ATXN2: variants seen among roughly 807,000 people sequenced by gnomAD.
ATXN2 encodes ataxin-2.
In ATXN2, 37 loss-of-function variants were observed where a neutral mutation model predicts 138.6. The ratio of observed to expected loss-of-function variants is 0.27; its 90% CI spans 0.21 to 0.35. The LOEUF (loss-of-function observed/expected upper bound fraction) is 0.35, where lower values mean the gene tolerates loss of function less well. Among genes scored for constraint, ATXN2 ranks in the 10% least tolerant of loss-of-function variants. The probability of loss-of-function intolerance (pLI) is 1.00; values close to 1 mark genes in which losing one functional copy is unlikely to be tolerated. For missense variants in ATXN2, 1,216 were observed against 1,480.3 expected (o/e 0.82, Z 2.93); for synonymous variants, 549 against 543.7 (o/e 1.01, Z -0.13).
At chr12:111,523,029 G>A (rs540488951) in intron 6 of ATXN2, among the ~76,000 whole-genome samples, 43 of 151,464 alleles carry the variant, frequency 2.8e-4, no homozygotes, top group Non-Finnish European at 5.3e-4. Flanking sequence ...GCCAGTAATC[G>A]CAGCACTTTG....
intron 1 of ATXN2, among the ~76,000 whole-genome samples, chr12:111,577,099 G>T (rs893121760): frequency 6.6e-6 from 1 of 151,730 alleles, no homozygotes; most frequent in Non-Finnish European, 1.5e-5. Context: ...GAGCCACTGC[G>T]CCTGGCCACG....
chr12:111,523,004 G>C (rs57018072), intron 6 of ATXN2, among the ~76,000 whole-genome samples: 4,592 of 152,074 alleles, frequency 0.03, 251 homozygotes, highest in African/African-American at 0.1. Flanking sequence ...TTCATGGCCA[G>C]GTGCGGTGGC....
Position 111,552,495 on chromosome 12 carries a change from T to A in ATXN2, c.421-65A>T. On this transcript the variant is annotated intron_variant, in intron 4 of 24. Transcript: ENST00000673436. This position sits in a 1 kb window ranked among gnomAD's most constrained non-coding sequence, Gnocchi z 4.1. ...AAAATAAAATTTGTTAGGAATTCTT[T>A]AGCTCATCAAGGTACCAGTTCTTAT... The A allele has an allele frequency of 2.0e-6, 3 of 1,520,728 alleles. No homozygotes were observed. The highest frequency in any genetic ancestry group is 2.6e-6 in the Non-Finnish European group (3 of 1,135,478). 94.2% of individuals were successfully genotyped at this position (1,520,728 alleles called of 1,614,324 possible).
chr12:111,505,181 C>A lies in ATXN2; in HGVS notation c.1935+4368G>T, dbSNP rs563220275. ...CCAAGATTGCACCACTGCCCTCCAGCCTAAGCAAAAGAGCGAGATTCTGTG... is the reference window on the plus strand; with the variant it reads ...CCAAGATTGCACCACTGCCCTCCAGACTAAGCAAAAGAGCGAGATTCTGTG... On this transcript the variant is annotated intron_variant, in intron 14 of 24. Transcript: ENST00000673436. Among the ~76,000 whole-genome samples, 260 of 152,140 alleles carry A rather than the reference C, an allele frequency of 1.7e-3. 1 individual carries two copies. Among genetic ancestry groups the A allele is most frequent in the Non-Finnish European group, 2.9e-3 (195 of 67,996 alleles).
rs759291392 is a variant in ATXN2 at position 111,520,085 on chromosome 12, T to C, written c.789-9A>G. Reference sequence around the variant, plus strand: ...CTCTTTCTAAGGGCACTCTGAAACATGAGGAAAAGAAAAGCAAAATGAGTC... The same window carrying C: ...CTCTTTCTAAGGGCACTCTGAAACACGAGGAAAAGAAAAGCAAAATGAGTC... On this transcript the variant is annotated splice_polypyrimidine_tract_variant and intron_variant, in intron 7 of 24. Transcript: ENST00000673436. The C allele has an allele frequency of 3.7e-6, 6 of 1,612,500 alleles. No homozygotes were observed. The African/African-American group carries it at 5.3e-5, about 14-fold the overall frequency.
intron 18 of ATXN2, 26 bp from the exon 19 acceptor site, chr12:111,470,768 A>G (rs747133665): frequency 1.9e-5 from 30 of 1,610,658 alleles, no homozygotes; most frequent in Middle Eastern, 3.3e-4. Context: ...CAGACTGCCT[A>G]TTAAACAGTA....
chr12:111,576,372 T>C lies in ATXN2; in HGVS notation c.252-20453A>G, dbSNP rs1292035223. Among the ~76,000 whole-genome samples the C allele has an allele frequency of 2.0e-5, 3 of 150,720 alleles. No individual in the cohort carries two copies. In the East Asian group the frequency reaches 5.9e-4, roughly 29 times the overall value. ...ATCACCTGAACACAGGAGGCGGAGG[T>C]TGCAGTGAGCTAAGATTGCGCCACT... On this transcript the variant is annotated intron_variant, in intron 1 of 24. Coordinates refer to ENST00000673436, the MANE Select transcript of ATXN2 (RefSeq NM_001372574.1).
rs773116244 is a variant in ATXN2 at position 111,453,841 on chromosome 12, T to A, written c.3275A>T (p.His1092Leu). ...PPHMAHVPQA[H>L]VQSGMVPSHP... ...AGAAGGAACCATTCCTGACTGTACATGAGCCTGAAACAGAGAGCTCTTTTA... is the reference window on the plus strand; with the variant it reads ...AGAAGGAACCATTCCTGACTGTACAAGAGCCTGAAACAGAGAGCTCTTTTA... Residue 1092 changes from histidine (H) to leucine (L), a missense_variant, in exon 24 of 25, where the codon CAT becomes CTT. This residue lies in a region of ATXN2 where 490 missense variants were observed against 653.5 expected (regional missense o/e 0.75). Coordinates refer to ENST00000673436, the MANE Select transcript of ATXN2 (RefSeq NM_001372574.1). This position sits in a 1 kb window ranked among gnomAD's most constrained non-coding sequence, Gnocchi z 5.4. 3.7e-6 allele frequency: 6 copies of A among 1,608,994 alleles called. No homozygotes were observed. The highest frequency in any genetic ancestry group is 8.5e-7 in the Non-Finnish European group (1 of 1,177,074).
At chr12:111,483,450 C>CT (rs1566017592) in intron 18 of ATXN2, among the ~76,000 whole-genome samples, 3 of 133,244 alleles carry the variant, frequency 2.3e-5, no homozygotes, top group Non-Finnish European at 3.1e-5. Flanking sequence ...ATTAAAAGAA[C>CT]TCTTTTTTTT....
Position 111,598,081 on chromosome 12 carries a change from G to T in ATXN2, c.251+703C>A. On this transcript the variant is annotated intron_variant, in intron 1 of 24. Transcript: ENST00000673436. The surrounding 1 kb of genome is among the most constrained non-coding windows in gnomAD (Gnocchi z 4.5). The stretch of plus-strand genomic sequence containing the variant: ...GGTGGGGGAGGGTGGAACGCTGCCG[G>T]AGGCCACATGGAGCCCCACGATTTC... 8.8e-7 allele frequency: 1 copy of T among 1,139,896 alleles called. No individual in the cohort carries two copies. The highest frequency in any genetic ancestry group is 1.9e-5 in the South Asian group (1 of 53,668). 70.6% of individuals were successfully genotyped at this position (1,139,896 alleles called of 1,614,324 possible). A position where few individuals can be genotyped will look rare whatever the true frequency, so the allele number is the denominator to read the frequency against.
At chr12:111,459,471 C>T (rs1209756732) in intron 21 of ATXN2, among the ~76,000 whole-genome samples, 2 of 152,214 alleles carry the variant, frequency 1.3e-5, no homozygotes, top group African/African-American at 4.8e-5. Context: ...GACAGAGTCT[C>T]GCTCTGTTGC....
chr12:111,537,961 T>C (rs557566859), intron 5 of ATXN2, among the ~76,000 whole-genome samples: 1 of 151,564 alleles, frequency 6.6e-6, no homozygotes, highest in East Asian at 2.0e-4. Context: ...TAGCCAGGAG[T>C]GGTGATACAC....
chr12:111,540,403 T>A (rs1382251263), intron 5 of ATXN2, among the ~76,000 whole-genome samples: 1 of 150,610 alleles, frequency 6.6e-6, no homozygotes, highest in Non-Finnish European at 1.5e-5. Context: ...ACTTAAACCA[T>A]CCCACTAGCA....
chr12:111,547,051 T>C (rs1384190896), intron 5 of ATXN2, among the ~76,000 whole-genome samples: 1 of 152,228 alleles, frequency 6.6e-6, no homozygotes, highest in Non-Finnish European at 1.5e-5. Context: ...CATATATGCA[T>C]GAATATAACT....
At chr12:111,509,416 T>C (rs1476190774) in intron 14 of ATXN2, 133 bp downstream of exon 14, 2 of 609,442 alleles carry the variant, frequency 3.3e-6, no homozygotes, top group East Asian at 3.1e-5. Flanking sequence ...AAGACCACTT[T>C]AAAAATGTTC....
Position 111,519,920 on chromosome 12 carries a change from C to G in ATXN2, c.945G>C (p.Gln315His), listed in dbSNP as rs1395136145. The change falls in exon 8 of 25, where the codon CAG (glutamine) becomes CAC (histidine). Residue 315 changes from glutamine to histidine, a missense_variant. Transcript: ENST00000673436. ...GCCCCTCACGTTCACTGGAATTTCT[C>G]TGAACTGCTGTGTATTTTTCTTCCT... is the stretch of plus-strand genomic sequence containing the variant. The part of the protein sequence containing the change: ...RSEEEKYTAV[Q>H]RNSSEREGHS... The G allele has an allele frequency of 6.2e-7, 1 of 1,614,178 alleles. No homozygotes were observed. Among genetic ancestry groups the G allele is most frequent in the Admixed American group, 1.7e-5 (1 of 60,022 alleles).
rs534962784 is a variant in ATXN2, at chr12:111,487,248, T to C, written c.2241-424A>G. On this transcript the variant is annotated intron_variant, in intron 15 of 24. Coordinates refer to ENST00000673436, the MANE Select transcript of ATXN2 (RefSeq NM_001372574.1). ...AGACTGCCACCACGCCCAGCTAATT[T>C]TTTTTAATATTTATTTTTAGTAAAG... Among the ~76,000 whole-genome samples the C allele has an allele frequency of 1.8e-4, 27 of 152,040 alleles. 1 individual carries two copies. In the South Asian group the frequency reaches 5.6e-3, roughly 32 times the overall value.
Position 111,470,747 on chromosome 12 carries a change from A to AG in ATXN2, c.2525-6dup, listed in dbSNP as rs1285423877. On this transcript the variant is annotated splice_region_variant and splice_polypyrimidine_tract_variant and intron_variant, in intron 18 of 24. Transcript: ENST00000673436. ...GCTGTTGGGGCATATTTGGTACTGCAGAAAAAAAAGCAGACTGCCTATTAA... is the reference window on the plus strand; with the variant it reads ...GCTGTTGGGGCATATTTGGTACTGCAGGAAAAAAAAGCAGACTGCCTATTAA... The AG allele has an allele frequency of 1.3e-5, 21 of 1,614,004 alleles. No homozygotes were observed. Among genetic ancestry groups the AG allele is most frequent in the Non-Finnish European group, 1.4e-5 (17 of 1,179,946 alleles).
intron 14 of ATXN2, among the ~76,000 whole-genome samples, chr12:111,501,576 C>G (rs1878763765): frequency 6.6e-6 from 1 of 152,192 alleles, no homozygotes; most frequent in Admixed American, 6.5e-5. Flanking sequence ...CATTATGCAA[C>G]TCTGGCGCAT....
Sources: gnomAD v4.1 joint callset for allele counts (sites outside exome capture counted in the v4.1 genomes callset) on GRCh38, gnomAD v4.1.1 for gene constraint, gnomAD v4.1.1 regional missense constraint, Gnocchi (gnomAD v3.1) non-coding constraint, MANE v1.5 for transcripts, NCBI Gene and HGNC (gene_info 2026-07-23, HGNC 2026-07-21) for gene names.